Variants in ASCC3 observed in about 807,000 individuals in gnomAD.
ASCC3 encodes ASC-1 complex subunit P200.
In ASCC3, 158 loss-of-function variants were observed where a neutral mutation model predicts 256.3. The observed-to-expected ratio is 0.62, with a 90% CI of 0.54 to 0.70. The LOEUF is 0.70. ASCC3 is among the 30% of genes least tolerant of loss of function. The pLI is 0.00. For missense variants in ASCC3, 2,259 were observed against 2,626.0 expected (o/e 0.86, Z 3.05); for synonymous variants, 948 against 883.4 (o/e 1.07, Z -1.30).
chr6:100,674,665 C>G (rs1293360700), intron 14 of ASCC3, among the ~76,000 whole-genome samples: 1 of 149,552 alleles, frequency 6.7e-6, no homozygotes, highest in Non-Finnish European at 1.5e-5. Context: ...CAGAGTCTCC[C>G]TCTGTCACCC....
chr6:100,876,520 G>C lies in ASCC3; in HGVS notation c.-42+4541C>G, dbSNP rs544475692. On this transcript the variant is annotated intron_variant, in intron 1 of 41. Transcript: ENST00000369162. ...AAGCCTAAATGATAAGGGTTATTAAGTGCTTAACTTTAGGCCTAGATGAAA... is the reference window on the plus strand; with the variant it reads ...AAGCCTAAATGATAAGGGTTATTAACTGCTTAACTTTAGGCCTAGATGAAA... 1.9e-4 allele frequency among the ~76,000 whole-genome samples: 29 copies of C among 152,288 alleles called. 1 individual carries two copies. The highest frequency in any genetic ancestry group is 7.0e-4 in the African/African-American group (29 of 41,558).
At chr6:100,567,597 C>T (rs1202661645) in intron 36 of ASCC3, among the ~76,000 whole-genome samples, 1 of 152,158 alleles carries the variant, frequency 6.6e-6, no homozygotes, top group South Asian at 2.1e-4. Flanking sequence ...TGTCTACAGT[C>T]ATCTTTGTGT....
chr6:100,818,737 T>C (rs1202517140), intron 4 of ASCC3, among the ~76,000 whole-genome samples: 1 of 107,084 alleles, frequency 9.3e-6, no homozygotes, highest in Non-Finnish European at 1.8e-5. Context: ...GCAGGGCAGT[T>C]AGGCAAAAGC....
At chr6:100,643,229 A>G (rs2114894719) in intron 23 of ASCC3, among the ~76,000 whole-genome samples, 1 of 152,236 alleles carries the variant, frequency 6.6e-6, no homozygotes, top group South Asian at 2.1e-4. Context: ...CCTACCCAAG[A>G]CTCTTACCTG....
intron 4 of ASCC3, among the ~76,000 whole-genome samples, chr6:100,847,664 T>A (rs1003786376): frequency 6.6e-6 from 1 of 152,156 alleles, no homozygotes. Flanking sequence ...ATAACAATTA[T>A]CTATCTTGAT....
chr6:100,739,999 C>G (rs775669824), intron 10 of ASCC3, among the ~76,000 whole-genome samples: 1 of 151,976 alleles, frequency 6.6e-6, no homozygotes, highest in Non-Finnish European at 1.5e-5. Flanking sequence ...GCTTTTGGTT[C>G]TCTTGTTCTT....
chr6:100,865,401 A>G (rs1773429783), intron 2 of ASCC3, among the ~76,000 whole-genome samples: 1 of 152,182 alleles, frequency 6.6e-6, no homozygotes, highest in African/African-American at 2.4e-5. Flanking sequence ...TTATATCTCT[A>G]ATACAGAGTA....
chr6:100,699,347 T>G (rs1420128663), intron 13 of ASCC3, among the ~76,000 whole-genome samples: 3 of 152,086 alleles, frequency 2.0e-5, no homozygotes, highest in African/African-American at 7.2e-5. Context: ...CTCTACAAGC[T>G]CTCTCTTTTC....
chr6:100,521,234 C>T (rs1301572106), intron 37 of ASCC3, among the ~76,000 whole-genome samples: 1 of 151,944 alleles, frequency 6.6e-6, no homozygotes, highest in African/African-American at 2.4e-5. Context: ...AATAATGGCT[C>T]TGACGTATAA....
In ASCC3 at chr6:100,662,045, G is replaced by T. The variant is rs1405284140; in HGVS notation, c.2479-15C>A. ...ATTTGTGTTCCCTAGATGAGGAAAA[G>T]TTAACAAAAATTTACATAAACACAC... On this transcript the variant is annotated splice_polypyrimidine_tract_variant and intron_variant, in intron 15 of 41. Coordinates refer to ENST00000369162, the MANE Select transcript of ASCC3 (RefSeq NM_006828.4). 9 of 1,608,336 alleles carry T rather than the reference G, an allele frequency of 5.6e-6. No individual in the cohort carries two copies. The highest frequency in any genetic ancestry group is 7.7e-6 in the Non-Finnish European group (9 of 1,175,662).
intron 40 of ASCC3, among the ~76,000 whole-genome samples, chr6:100,512,465 T>C (rs1435331491): frequency 1.3e-5 from 2 of 152,190 alleles, no homozygotes; most frequent in Non-Finnish European, 2.9e-5. Flanking sequence ...AGAGTCTGTA[T>C]ACCATACTTT....
At chr6:100,826,623 T>C (rs1013944435) in intron 4 of ASCC3, among the ~76,000 whole-genome samples, 1 of 152,166 alleles carries the variant, frequency 6.6e-6, no homozygotes, top group Non-Finnish European at 1.5e-5. Context: ...AGATTACTAA[T>C]TGAACTGCTG....
chr6:100,530,599 T>C, intron 37 of ASCC3: 1 of 793,482 alleles, frequency 1.3e-6, no homozygotes, highest in Non-Finnish European at 2.3e-6. Context: ...ATTGCATGGA[T>C]GTTCAGAGCA....
At chr6:100,783,265 T>G (rs978771326) in intron 8 of ASCC3, among the ~76,000 whole-genome samples, 1 of 152,222 alleles carries the variant, frequency 6.6e-6, no homozygotes, top group Non-Finnish European at 1.5e-5. Flanking sequence ...TTTTTTGGTC[T>G]TAACATGGCT....
chr6:100,758,477 C>T (rs1454627425), intron 10 of ASCC3, among the ~76,000 whole-genome samples: 1 of 152,058 alleles, frequency 6.6e-6, no homozygotes, highest in African/African-American at 2.4e-5. Flanking sequence ...TTCTGAGTGA[C>T]AACATGCAGT....
intron 36 of ASCC3, among the ~76,000 whole-genome samples, chr6:100,568,783 A>ATTATTATTC (rs1364544666): frequency 7.1e-6 from 1 of 141,252 alleles, no homozygotes; most frequent in African/African-American, 2.9e-5. Flanking sequence ...TATTATTATT[A>ATTATTATTC]TTATTATTTT....
In ASCC3 at chr6:100,650,682, G is replaced by C. The variant is rs1039487554; in HGVS notation, c.3108C>G (p.Thr1036=). ...AGAGTTCACAAAAATTGCTTAATAA[G>C]GTATCTAACTCCTCTATTTCCTCTT... is the stretch of plus-strand genomic sequence containing the variant. ...VREEEIEELD[T]LLSNFCELST... Residue 1036 remains threonine, a synonymous_variant, in exon 20 of 42, where the codon ACC becomes ACG. Transcript: ENST00000369162. 6.2e-7 allele frequency: 1 copy of C among 1,611,486 alleles called. No individual in the cohort carries two copies.
chr6:100,547,517 A>C (rs1398495048), intron 36 of ASCC3, among the ~76,000 whole-genome samples: 1 of 152,092 alleles, frequency 6.6e-6, no homozygotes, highest in Non-Finnish European at 1.5e-5. Context: ...ATGAGAAAAC[A>C]AACAGCCCAG....
At chr6:100,805,273 C>T (rs966691174) in intron 5 of ASCC3, among the ~76,000 whole-genome samples, 1 of 152,048 alleles carries the variant, frequency 6.6e-6, no homozygotes, top group African/African-American at 2.4e-5. Flanking sequence ...AAACCAAATA[C>T]CTCGTGTTCT....
Sources: gnomAD v4.1 joint callset for allele counts (sites outside exome capture counted in the v4.1 genomes callset) on GRCh38, gnomAD v4.1.1 for gene constraint, MANE v1.5 for transcripts, NCBI Gene and HGNC (gene_info 2026-07-23, HGNC 2026-07-21) for gene names.